Variants in CACNB1 observed in about 807,000 individuals in gnomAD.
CACNB1 encodes calcium voltage-gated channel auxiliary subunit beta 1.
Under a neutral mutation model 71.6 loss-of-function variants are expected in CACNB1, and 29 were observed. The ratio of observed to expected loss-of-function variants is 0.40; its 90% CI spans 0.30 to 0.55. CACNB1 has a LOEUF of 0.55. Ranked by LOEUF, CACNB1 falls within the 20% of genes least tolerant of loss-of-function variation. The pLI is 0.38. For synonymous variants in CACNB1, 300 were observed against 319.6 expected (o/e 0.94, Z 0.65); for missense variants, 623 against 801.8 (o/e 0.78, Z 2.69).
intron 13 of CACNB1, among the ~76,000 whole-genome samples, chr17:39,176,288 T>C (rs1445125683): frequency 6.6e-6 from 1 of 152,138 alleles, no homozygotes; most frequent in East Asian, 1.9e-4. Context: ...GGTGGCCCAG[T>C]GTCCTTATCA....
At chr17:39,185,196 AAGGGG>A in intron 6 of CACNB1, 46 bp from the exon 7 acceptor site, 1 of 1,526,834 alleles carries the variant, frequency 6.5e-7, no homozygotes, top group Non-Finnish European at 9.1e-7. Flanking sequence ...GGAGAGAGGG[AAGGGG>A]ACCCAGGCAG....
chr17:39,189,462 A>C (rs2046020076), intron 3 of CACNB1, among the ~76,000 whole-genome samples: 1 of 152,104 alleles, frequency 6.6e-6, no homozygotes, highest in Non-Finnish European at 1.5e-5. Context: ...AAGGAGTCTG[A>C]GACCAGCCTG....
intron 1 of CACNB1, 50 bp from the exon 2 acceptor site, chr17:39,195,020 C>T (rs1466703435): frequency 7.7e-7 from 1 of 1,305,848 alleles, no homozygotes; most frequent in African/African-American, 1.5e-5. Context: ...GGCCCTTTCC[C>T]AACCCTCATC....
chr17:39,187,971 T>C (rs747819951), intron 3 of CACNB1, among the ~76,000 whole-genome samples: 14 of 151,484 alleles, frequency 9.2e-5, no homozygotes, highest in Non-Finnish European at 1.5e-4. Context: ...CAAGATTGTG[T>C]CACTGCACTC....
intron 3 of CACNB1, among the ~76,000 whole-genome samples, chr17:39,188,247 C>T (rs2045987315): frequency 6.6e-6 from 1 of 151,722 alleles, no homozygotes; most frequent in African/African-American, 2.4e-5. Flanking sequence ...GGCACCACTG[C>T]ACTCCAGCCT....
In CACNB1 at chr17:39,177,658, T is replaced by C. The variant is rs889856600; in HGVS notation, c.1147-123A>G. 8.0e-4 allele frequency: 611 copies of C among 759,260 alleles called. 5 individuals are homozygous for C. Among genetic ancestry groups the C allele is most frequent in the Non-Finnish European group, 1.7e-4 (80 of 477,310 alleles). 47.0% of individuals were successfully genotyped at this position (759,260 alleles called of 1,614,324 possible). ...TGAAGGACAAGGTTAAAAAGAGGCC[T>C]CTGGATGTAGAAGGGAAGGAGAGCT... On this transcript the variant is annotated intron_variant, in intron 12 of 13. Transcript: ENST00000394303.
chr17:39,184,455 C>A, intron 8 of CACNB1, 72 bp from the exon 9 acceptor site: 2 of 879,798 alleles, frequency 2.3e-6, no homozygotes, highest in South Asian at 1.4e-5. Context: ...CTCTGAGTCG[C>A]TGGGTATTTG....
chr17:39,177,532 T>C lies in CACNB1; in HGVS notation c.1150A>G (p.Met384Val). Residue 384 changes from methionine (M) to valine (V), a missense_variant, in exon 13 of 14, where the codon ATG becomes GTG. Transcript: ENST00000394303. The stretch of plus-strand genomic sequence containing the variant: ...TTCTCATCCAGGATGATGTCAAACA[T>C]TTCCTGTGAAGGCGGGGTTAGGGGG... ...SEKLAQCPPE[M>V]FDIILDENQL... The C allele has an allele frequency of 1.3e-6, 2 of 1,584,180 alleles. No individual in the cohort carries two copies. Among genetic ancestry groups the C allele is most frequent in the Non-Finnish European group, 1.7e-6 (2 of 1,161,478 alleles).
rs983251453 is a variant in CACNB1, at chr17:39,194,269, A to T, written c.171+615T>A. Among the ~76,000 whole-genome samples, 2 of 152,144 alleles carry T rather than the reference A, an allele frequency of 1.3e-5. No homozygotes were observed. Among genetic ancestry groups the T allele is most frequent in the Admixed American group, 1.3e-4 (2 of 15,262 alleles). ...GCAGCCGCTTACTGACTGAGCACAG[A>T]AGACCCCAGAAAGCTATTCTCAGTT... On this transcript the variant is annotated intron_variant, in intron 2 of 13. Coordinates refer to ENST00000394303, the MANE Select transcript of CACNB1 (RefSeq NM_000723.5). This position sits in a 1 kb window ranked among gnomAD's most constrained non-coding sequence, Gnocchi z 4.6.
In CACNB1 at chr17:39,175,113, T is replaced by C. The variant is rs533989121; in HGVS notation, c.*80A>G. The C allele has an allele frequency of 1.2e-5, 14 of 1,151,828 alleles. No homozygotes were observed. Among genetic ancestry groups the C allele is most frequent in the Non-Finnish European group, 1.7e-5 (14 of 800,412 alleles). The allele number at this position is 1,151,828 out of a possible 1,614,324, so 71.4% of individuals were successfully genotyped here. ...GGAGACAGCGCCCCCTGGAGGCGAATACATGTCAGGTGTGAGCCCCTCGCT... is the reference window on the plus strand; with the variant it reads ...GGAGACAGCGCCCCCTGGAGGCGAACACATGTCAGGTGTGAGCCCCTCGCT... On this transcript the variant is annotated 3_prime_UTR_variant, in exon 14 of 14. Transcript: ENST00000394303. The surrounding 1 kb of genome is among the most constrained non-coding windows in gnomAD (Gnocchi z 4.7).
intron 3 of CACNB1, among the ~76,000 whole-genome samples, chr17:39,190,362 G>A (rs1225707849): frequency 5.3e-5 from 8 of 152,078 alleles, no homozygotes; most frequent in South Asian, 4.2e-4. Flanking sequence ...TGATCACGCC[G>A]CTACACTCAG....
chr17:39,175,537 G>A lies in CACNB1; in HGVS notation c.1453C>T (p.Pro485Ser). 6.2e-7 allele frequency: 1 copy of A among 1,613,826 alleles called. No individual in the cohort carries two copies. Among genetic ancestry groups the A allele is most frequent in the Non-Finnish European group, 8.5e-7 (1 of 1,179,980 alleles). Residue 485 changes from proline (P) to serine (S), a missense_variant, in exon 14 of 14, where the codon CCA becomes TCA. Coordinates refer to ENST00000394303, the MANE Select transcript of CACNB1 (RefSeq NM_000723.5). This position sits in a 1 kb window ranked among gnomAD's most constrained non-coding sequence, Gnocchi z 4.7. ...GCCCGTAGCGTGCCTGCCCGGCCTG[G>A]TGGGTGGCTGCTGGGGTAAAGGCCT... ...PPGLYPSSHP[P>S]GRAGTLRALS...
At chr17:39,193,769 G>A (rs1372562204) in intron 2 of CACNB1, 3 of 213,254 alleles carry the variant, frequency 1.4e-5, no homozygotes, top group Non-Finnish European at 2.9e-5. Flanking sequence ...TAAAAGCACA[G>A]CGTCATTCTT....
chr17:39,189,090 C>T (rs146255919), intron 3 of CACNB1, among the ~76,000 whole-genome samples: 1,826 of 151,996 alleles, frequency 0.012, 41 homozygotes, highest in African/African-American at 0.042. Flanking sequence ...ATAGGCCGGG[C>T]GCAATGGCTC....
chr17:39,187,447 C>A, intron 4 of CACNB1, 32 bp downstream of exon 4: 1 of 1,612,232 alleles, frequency 6.2e-7, no homozygotes, highest in Non-Finnish European at 8.5e-7. Flanking sequence ...TCTCCTGGCA[C>A]CCACTTCCCT....
At chr17:39,178,235 A>G (rs2045640588) in intron 11 of CACNB1, 156 bp from the exon 12 acceptor site, 3 of 628,834 alleles carry the variant, frequency 4.8e-6, no homozygotes, top group Non-Finnish European at 8.7e-6. Context: ...TGCAGAAAGG[A>G]CCTCAGCAGC....
chr17:39,183,119 T>C (rs2045821159), intron 11 of CACNB1: 1 of 164,832 alleles, frequency 6.1e-6, no homozygotes, highest in Admixed American at 6.5e-5. Flanking sequence ...CAAAAAGGGC[T>C]GATATCAAGA....
At position 39,177,989 on chromosome 17, in the gene CACNB1, G is replaced by T. The variant is rs1405221929; in HGVS notation, c.1141C>A (p.Pro381Thr). The change falls in exon 12 of 14, where the codon CCC becomes ACC. Residue 381 changes from proline to threonine, a missense_variant. Transcript: ENST00000394303. ...CCTGGGATCTAGGCACTCACAGGGGGGCACTGTGCCAGCTTTTCCGAGGCC... is the reference window on the plus strand; with the variant it reads ...CCTGGGATCTAGGCACTCACAGGGGTGCACTGTGCCAGCTTTTCCGAGGCC... The part of the protein sequence containing the change: ...IAASEKLAQC[P>T]PEMFDIILDE... 99 of 1,612,256 alleles carry T rather than the reference G, an allele frequency of 6.1e-5. No homozygotes were observed. Among genetic ancestry groups the T allele is most frequent in the Non-Finnish European group, 8.2e-5 (97 of 1,178,412 alleles).
At position 39,177,384 on chromosome 17, in the gene CACNB1, A is replaced by T. The variant is rs377184207; in HGVS notation, c.1298T>A (p.Leu433Gln). The change falls in exon 13 of 14, where the codon CTG (leucine) becomes CAG (glutamine). Residue 433 changes from leucine to glutamine, a missense_variant. Coordinates refer to ENST00000394303, the MANE Select transcript of CACNB1 (RefSeq NM_000723.5). ...GGAGACAGGGGCAGGGCTGGCAGCC[A>T]GGGCTGCGGTAGCCATGGTGCGGTT... is the stretch of plus-strand genomic sequence containing the variant. ...LLNRTMATAA[L>Q]AASPAPVSNL... is the part of the protein sequence containing the mutation. The T allele has an allele frequency of 1.9e-6, 3 of 1,612,976 alleles. No homozygotes were observed. Among genetic ancestry groups the T allele is most frequent in the Non-Finnish European group, 2.5e-6 (3 of 1,179,778 alleles).
Sources: gnomAD v4.1 joint callset for allele counts (sites outside exome capture counted in the v4.1 genomes callset) on GRCh38, gnomAD v4.1.1 for gene constraint, Gnocchi (gnomAD v3.1) non-coding constraint, MANE v1.5 for transcripts, NCBI Gene and HGNC (gene_info 2026-07-23, HGNC 2026-07-21) for gene names.